FSTL4: variants seen among roughly 807,000 people sequenced by gnomAD.
FSTL4 encodes the protein follistatin-related protein 4.
FSTL4 carries 28 observed loss-of-function variants against 78.2 expected under a neutral mutation model. The observed-to-expected ratio is 0.36, with a 90% CI of 0.27 to 0.49. FSTL4 has a LOEUF of 0.49. Ranked by LOEUF, FSTL4 falls within the 20% of genes least tolerant of loss-of-function variation. The pLI is 0.98. For synonymous variants in FSTL4, 422 were observed against 440.5 expected, an observed-to-expected ratio of 0.96 and a Z score of 0.53; for missense variants, 922 against 1,084.9, an observed-to-expected ratio of 0.85 and a Z score of 2.11.
At chr5:133,733,807 T>C in the FSTL4 span, among the ~76,000 whole-genome samples, 4 of 152,312 alleles carry the variant, frequency 2.6e-5, no homozygotes, top group African/African-American at 9.6e-5. Flanking sequence ...TCTCATGAGG[T>C]TGCAGTCAAG....
chr5:133,759,176 A>G, the FSTL4 span, among the ~76,000 whole-genome samples: 1 of 152,184 alleles, frequency 6.6e-6, no homozygotes, highest in Non-Finnish European at 1.5e-5. Context: ...AAAGACATAA[A>G]CGGGAAATTC....
At chr5:133,299,728 C>T (rs942282867) in intron 6 of FSTL4, among the ~76,000 whole-genome samples, 2 of 152,182 alleles carry the variant, frequency 1.3e-5, no homozygotes. Flanking sequence ...CCCATCACCG[C>T]TCCTCCTTGT....
the FSTL4 span, among the ~76,000 whole-genome samples, chr5:133,702,227 A>G: frequency 6.6e-6 from 1 of 152,118 alleles, no homozygotes; most frequent in Non-Finnish European, 1.5e-5. Flanking sequence ...GCATCAAACC[A>G]TTTTTCTTTC....
intron 3 of FSTL4, among the ~76,000 whole-genome samples, chr5:133,456,169 C>A (rs551491423): frequency 1.3e-5 from 2 of 152,218 alleles, no homozygotes; most frequent in Non-Finnish European, 2.9e-5. Context: ...CTTGGAGGAG[C>A]TCCTCAGGGT....
intron 6 of FSTL4, among the ~76,000 whole-genome samples, chr5:133,278,257 C>T (rs1459424562): frequency 6.6e-6 from 1 of 152,170 alleles, no homozygotes; most frequent in East Asian, 1.9e-4. Flanking sequence ...CTCCCTAGAG[C>T]TCTGGGGTTC....
At chr5:133,778,780 G>A in the FSTL4 span, among the ~76,000 whole-genome samples, 1 of 152,238 alleles carries the variant, frequency 6.6e-6, no homozygotes, top group Non-Finnish European at 1.5e-5. Flanking sequence ...TCATTCTAAA[G>A]CAAGGAACCA....
chr5:133,415,767 G>T (rs1756569824), intron 3 of FSTL4, among the ~76,000 whole-genome samples: 1 of 152,166 alleles, frequency 6.6e-6, no homozygotes, highest in Admixed American at 6.5e-5. Context: ...TATCTTATAT[G>T]CAGGAGAATC....
chr5:133,480,880 C>T (rs1033809175), intron 3 of FSTL4, among the ~76,000 whole-genome samples: 1 of 152,160 alleles, frequency 6.6e-6, no homozygotes, highest in Admixed American at 6.5e-5. Flanking sequence ...AAGGCTTCAC[C>T]TACCTTTCAG....
chr5:133,483,490 T>C (rs960247202), intron 3 of FSTL4, among the ~76,000 whole-genome samples: 2 of 152,192 alleles, frequency 1.3e-5, no homozygotes, highest in Admixed American at 6.5e-5. Flanking sequence ...GGACCCTCTT[T>C]AAAGCCTGAC....
the FSTL4 span, among the ~76,000 whole-genome samples, chr5:133,663,892 T>A: frequency 6.6e-6 from 1 of 152,196 alleles, no homozygotes; most frequent in African/African-American, 2.4e-5. Context: ...CTAGGGAATC[T>A]TCCAGTGCTT....
At chr5:133,305,487 G>A (rs1753636111) in intron 6 of FSTL4, among the ~76,000 whole-genome samples, 2 of 152,126 alleles carry the variant, frequency 1.3e-5, no homozygotes, top group East Asian at 3.9e-4. Flanking sequence ...TCTCTAGCTC[G>A]GCGTTCAGGT....
In FSTL4 at chr5:133,397,115, C is replaced by T. The variant is rs140513116; in HGVS notation, c.409+3623G>A. On this transcript the variant is annotated intron_variant, in intron 4 of 15. Coordinates refer to ENST00000265342, the MANE Select transcript of FSTL4 (RefSeq NM_015082.2). ...GATTGCTGAAAGGGAAGCTCATCTT[C>T]GTGAACAGCGTAGGAGATAAAGCGT... Among the ~76,000 whole-genome samples the T allele has an allele frequency of 3.9e-3, 597 of 152,252 alleles. 4 individuals are homozygous for T. Among genetic ancestry groups the T allele is most frequent in the Non-Finnish European group, 6.7e-3 (455 of 68,020 alleles).
the FSTL4 span, among the ~76,000 whole-genome samples, chr5:133,657,411 T>A: frequency 6.6e-6 from 1 of 152,188 alleles, no homozygotes; most frequent in Non-Finnish European, 1.5e-5. Flanking sequence ...TTATATGAGG[T>A]GGACAGGGAC....
intron 6 of FSTL4, among the ~76,000 whole-genome samples, chr5:133,273,703 T>C (rs1236750312): frequency 6.6e-6 from 1 of 152,210 alleles, no homozygotes; most frequent in African/African-American, 2.4e-5. Context: ...AAGATGCTTG[T>C]GACCACGTAT....
intron 6 of FSTL4, 151 bp from the exon 7 acceptor site, chr5:133,249,727 T>C: frequency 1.6e-6 from 1 of 627,298 alleles, no homozygotes; most frequent in Non-Finnish European, 2.8e-6. Context: ...TGACTAAATG[T>C]AGAGATAGAC....
At chr5:133,538,118 AT>A (rs35377207) in intron 3 of FSTL4, among the ~76,000 whole-genome samples, 61,551 of 149,782 alleles carry the variant, frequency 0.41, 12,838 homozygotes, top group African/African-American at 0.49. Flanking sequence ...CTTTATATCT[AT>A]TTTTTTTTTC....
the FSTL4 span, among the ~76,000 whole-genome samples, chr5:133,622,444 T>C: frequency 6.6e-6 from 1 of 152,138 alleles, no homozygotes; most frequent in African/African-American, 2.4e-5. Context: ...TTTACTTCTT[T>C]AAAAAAGTGG....
intron 4 of FSTL4, among the ~76,000 whole-genome samples, chr5:133,393,224 TGA>T (rs1287738045): frequency 6.6e-6 from 1 of 152,150 alleles, no homozygotes; most frequent in Non-Finnish European, 1.5e-5. Flanking sequence ...GTATCCAACA[TGA>T]GAGACAGTCC....
intron 3 of FSTL4, among the ~76,000 whole-genome samples, chr5:133,423,696 C>T (rs933577536): frequency 2.0e-5 from 3 of 152,082 alleles, no homozygotes; most frequent in Non-Finnish European, 2.9e-5. Context: ...GTAAGGATGG[C>T]GATCGGGGTG....
Sources: allele counts gnomAD v4.1 joint callset (sites outside exome capture counted in the v4.1 genomes callset), GRCh38; gene constraint gnomAD v4.1.1; transcripts MANE v1.5; gene names NCBI Gene and HGNC (gene_info 2026-07-23, HGNC 2026-07-21).